Variants in RAB3GAP2 observed in about 807,000 individuals in gnomAD.
RAB3GAP2 encodes rab3 GTPase-activating protein non-catalytic subunit.
A neutral mutation model predicts 185.3 loss-of-function variants in RAB3GAP2; 87 were observed. That is an observed-to-expected ratio of 0.47 (90% CI 0.39 to 0.56). RAB3GAP2 has a LOEUF of 0.56. RAB3GAP2 is among the 20% of genes least tolerant of loss of function. The pLI is 0.00. For synonymous variants in RAB3GAP2, 554 were observed against 576.1 expected (o/e 0.96, Z 0.55); for missense variants, 1,492 against 1,638.2 (o/e 0.91, Z 1.54).
intron 4 of RAB3GAP2, among the ~76,000 whole-genome samples, chr1:220,211,955 C>T (rs978086713): frequency 6.6e-6 from 1 of 152,160 alleles, no homozygotes; most frequent in African/African-American, 2.4e-5. Flanking sequence ...GTTCTAGGCA[C>T]TTCCACTTGG....
intron 9 of RAB3GAP2, among the ~76,000 whole-genome samples, chr1:220,196,966 T>A (rs1425618797): frequency 6.6e-6 from 1 of 151,830 alleles, no homozygotes; most frequent in Admixed American, 6.6e-5. Flanking sequence ...TCCACTTATA[T>A]CCCCAAATAC....
chr1:220,245,189 T>G (rs142526858), intron 1 of RAB3GAP2, among the ~76,000 whole-genome samples: 216 of 151,852 alleles, frequency 1.4e-3, no homozygotes, highest in African/African-American at 5.0e-3. Context: ...TAGGAACAGC[T>G]CCGGTCTACA....
chr1:220,157,007 T>C (rs894909555), intron 31 of RAB3GAP2, among the ~76,000 whole-genome samples: 5 of 151,864 alleles, frequency 3.3e-5, no homozygotes, highest in African/African-American at 1.2e-4. Context: ...GGCCTAGAGA[T>C]ATATAAGAGG....
At chr1:220,243,395 C>T (rs11118510) in intron 1 of RAB3GAP2, among the ~76,000 whole-genome samples, 14,181 of 151,498 alleles carry the variant, frequency 0.094, 1,071 homozygotes, top group African/African-American at 0.21. Context: ...CATGTATTTA[C>T]TACACGCAAA....
chr1:220,207,176 A>G (rs952552465), intron 7 of RAB3GAP2, among the ~76,000 whole-genome samples: 4 of 152,212 alleles, frequency 2.6e-5, no homozygotes, highest in Admixed American at 6.5e-5. Flanking sequence ...ATATCTTTTC[A>G]TGTTAGTAAG....
chr1:220,254,009 A>G, intron 1 of RAB3GAP2: 1 of 1,613,962 alleles, frequency 6.2e-7, no homozygotes, highest in South Asian at 1.1e-5. Flanking sequence ...GTTGAAAATG[A>G]GGAAACATTC....
At chr1:220,176,546 G>A (rs1028662183) in intron 21 of RAB3GAP2, among the ~76,000 whole-genome samples, 1 of 152,178 alleles carries the variant, frequency 6.6e-6, no homozygotes, top group African/African-American at 2.4e-5. Context: ...ACACACTAGT[G>A]TTTTGGCAGA....
At chr1:220,245,208 C>T (rs1468615584) in intron 1 of RAB3GAP2, among the ~76,000 whole-genome samples, 6 of 152,174 alleles carry the variant, frequency 3.9e-5, no homozygotes. Context: ...CAGCTCCCAG[C>T]ATGAGTGACA....
chr1:220,255,131 T>C (rs1237920850), intron 1 of RAB3GAP2, among the ~76,000 whole-genome samples: 1 of 152,162 alleles, frequency 6.6e-6, no homozygotes, highest in East Asian at 1.9e-4. Flanking sequence ...ACTGTGTAGC[T>C]AGTTTTCTGG....
rs569766171 is a variant in RAB3GAP2 at position 220,157,120 on chromosome 1, C to A, written c.3555+150G>T. The A allele has an allele frequency of 6.8e-6, 5 of 736,958 alleles. No homozygotes were observed. In the South Asian group the frequency reaches 7.8e-5, roughly 11 times the overall value. 45.7% of individuals were successfully genotyped at this position (736,958 alleles called of 1,614,324 possible). ...CAGTACAGAAGGTAAATAAAAAGAA[C>A]GGAATCAAGCAGGGAATGAGGGAGT... is the stretch of plus-strand genomic sequence containing the variant. On this transcript the variant is annotated intron_variant, in intron 31 of 34. Coordinates refer to ENST00000358951, the MANE Select transcript of RAB3GAP2 (RefSeq NM_012414.4).
chr1:220,221,104 T>G (rs1256226483), intron 2 of RAB3GAP2, among the ~76,000 whole-genome samples: 1 of 152,218 alleles, frequency 6.6e-6, no homozygotes, highest in Non-Finnish European at 1.5e-5. Flanking sequence ...CATCTGAGAC[T>G]GGGTTTATTT....
At position 220,261,912 on chromosome 1, in the gene RAB3GAP2, T is replaced by C. The variant is rs575891233; in HGVS notation, c.115+10311A>G. Among the ~76,000 whole-genome samples the C allele has an allele frequency of 2.6e-5, 4 of 152,210 alleles. No individual in the cohort carries two copies. The South Asian group carries it at 8.3e-4, about 32-fold the overall frequency. On this transcript the variant is annotated intron_variant, in intron 1 of 34. Transcript: ENST00000358951. ...CTGGAACTACTGGAACTTATGTCAC[T>C]TTCCATCATAAGCAGCTTTGTCGCG...
chr1:220,225,039 C>G (rs1354103690), intron 2 of RAB3GAP2, among the ~76,000 whole-genome samples: 2 of 152,164 alleles, frequency 1.3e-5, no homozygotes, highest in Non-Finnish European at 2.9e-5. Flanking sequence ...ACTCACTTAA[C>G]AGAAGCTACT....
intron 24 of RAB3GAP2, among the ~76,000 whole-genome samples, chr1:220,170,569 G>A (rs1445546581): frequency 2.0e-5 from 3 of 152,124 alleles, no homozygotes; most frequent in Admixed American, 2.0e-4. Flanking sequence ...TGTGCTCTGT[G>A]TTTTGGTTGA....
chr1:220,151,128 A>G lies in RAB3GAP2; in HGVS notation c.*123T>C. On this transcript the variant is annotated 3_prime_UTR_variant, in exon 35 of 35. Transcript: ENST00000358951. ...TTAAAAGTTGTATATACTTTTATTT[A>G]TTTTACAAAAGGAAAAAAAAAGACA... The G allele has an allele frequency of 9.5e-7, 1 of 1,052,586 alleles. No homozygotes were observed. Among genetic ancestry groups the G allele is most frequent in the Non-Finnish European group, 1.4e-6 (1 of 729,836 alleles). 65.2% of individuals were successfully genotyped at this position (1,052,586 alleles called of 1,614,324 possible).
At chr1:220,264,383 TGATTA>T (rs1660193883) in intron 1 of RAB3GAP2, among the ~76,000 whole-genome samples, 1 of 151,968 alleles carries the variant, frequency 6.6e-6, no homozygotes, top group African/African-American at 2.4e-5. Context: ...TACAACACTT[TGATTA>T]AAGGGGAGGT....
At chr1:220,153,564 C>T in intron 32 of RAB3GAP2, 158 bp from the exon 33 acceptor site, 1 of 562,038 alleles carries the variant, frequency 1.8e-6, no homozygotes, top group East Asian at 3.0e-5. Context: ...AACTAGCTCT[C>T]AAGAATACTT....
intron 9 of RAB3GAP2, among the ~76,000 whole-genome samples, chr1:220,197,160 G>A (rs968021513): frequency 6.6e-6 from 1 of 151,862 alleles, no homozygotes; most frequent in African/African-American, 2.4e-5. Context: ...GCTAATTTTT[G>A]TATTTTTAGT....
rs202189674 is a variant in RAB3GAP2, at chr1:220,157,910, C to A, written c.3262-34G>T. On this transcript the variant is annotated intron_variant, in intron 29 of 34. Coordinates refer to ENST00000358951, the MANE Select transcript of RAB3GAP2 (RefSeq NM_012414.4). ...TAAAAAGGAACGTAATTAGGCCCTG[C>A]AGGAAAACTGCTATAGTTACTGTCA... 104 of 1,521,948 alleles carry A rather than the reference C, an allele frequency of 6.8e-5. No individual in the cohort carries two copies. In the East Asian group the frequency reaches 2.2e-3, roughly 32 times the overall value. The allele number at this position is 1,521,948 out of a possible 1,614,324, so 94.3% of individuals were successfully genotyped here. A position where few individuals can be genotyped will look rare whatever the true frequency, so the allele number is the denominator to read the frequency against.
Sources: allele counts gnomAD v4.1 joint callset (sites outside exome capture counted in the v4.1 genomes callset), GRCh38; gene constraint gnomAD v4.1.1; transcripts MANE v1.5; gene names NCBI Gene and HGNC (gene_info 2026-07-23, HGNC 2026-07-21).